Variants in DLG2 observed in about 807,000 individuals in gnomAD.
DLG2 encodes discs large MAGUK scaffold protein 2.
Under a neutral mutation model 132.5 loss-of-function variants are expected in DLG2, and 45 were observed. The ratio of observed to expected loss-of-function variants is 0.34; its 90% CI spans 0.27 to 0.44. The LOEUF (loss-of-function observed/expected upper bound fraction) is 0.44. Ranked by LOEUF, DLG2 falls within the 20% of genes least tolerant of loss-of-function variation. DLG2 has a pLI of 1.00. For synonymous variants in DLG2, 424 were observed against 419.6 expected, an observed-to-expected ratio of 1.01 and a Z score of -0.13; for missense variants, 1,045 against 1,196.9, an observed-to-expected ratio of 0.87 and a Z score of 1.87.
At position 84,597,268 on chromosome 11, in the gene DLG2, A is replaced by G. The variant is rs910384569; in HGVS notation, c.358-62537T>C. On this transcript the variant is annotated intron_variant, in intron 6 of 27. Coordinates refer to ENST00000376104, the MANE Select transcript of DLG2 (RefSeq NM_001142699.3). ...ATGAATGAATCTCTTACGCTTATGG[A>G]GCTTTAGAGTCTAACTGCGAAGACA... is the stretch of plus-strand genomic sequence containing the variant. 3.3e-5 allele frequency among the ~76,000 whole-genome samples: 5 copies of G among 152,172 alleles called. No individual in the cohort carries two copies. In the East Asian group the frequency reaches 9.6e-4, roughly 29 times the overall value.
chr11:85,219,710 A>G (rs2082887705), intron 4 of DLG2, among the ~76,000 whole-genome samples: 1 of 143,860 alleles, frequency 7.0e-6, no homozygotes, highest in East Asian at 2.0e-4. Flanking sequence ...GTTAGGGCCC[A>G]CTCTAATCTA....
At chr11:83,816,398 T>G (rs2048931804) in intron 17 of DLG2, among the ~76,000 whole-genome samples, 1 of 152,200 alleles carries the variant, frequency 6.6e-6, no homozygotes, top group Non-Finnish European at 1.5e-5. Context: ...TTTGTATGCC[T>G]GGTAAATGTA....
intron 14 of DLG2, among the ~76,000 whole-genome samples, chr11:83,947,858 A>T (rs1384595364): frequency 6.6e-6 from 1 of 152,160 alleles, no homozygotes; most frequent in East Asian, 1.9e-4. Context: ...TGAGTTTGTC[A>T]CTTACTTTCT....
intron 18 of DLG2, among the ~76,000 whole-genome samples, chr11:83,707,190 AAC>A (rs1250232749): frequency 6.6e-6 from 1 of 152,212 alleles, no homozygotes; most frequent in African/African-American, 2.4e-5. Flanking sequence ...GCCCTAGAAC[AAC>A]ACTGACTCCC....
intron 21 of DLG2, among the ~76,000 whole-genome samples, chr11:83,509,927 T>C (rs1243464490): frequency 6.6e-6 from 1 of 152,170 alleles, no homozygotes; most frequent in African/African-American, 2.4e-5. Flanking sequence ...GGACGGAATA[T>C]AGCTGTGAAC....
chr11:83,999,488 C>T (rs1436097055), intron 11 of DLG2, among the ~76,000 whole-genome samples: 1 of 152,028 alleles, frequency 6.6e-6, no homozygotes, highest in African/African-American at 2.4e-5. Context: ...GGCCTAATAA[C>T]CTGCCCACCT....
chr11:84,212,733 C>G (rs2096772535), intron 8 of DLG2, among the ~76,000 whole-genome samples: 1 of 152,158 alleles, frequency 6.6e-6, no homozygotes, highest in Admixed American at 6.5e-5. Flanking sequence ...AATCTCGGCT[C>G]ACTGCAACCT....
In DLG2 at chr11:85,124,122, G is replaced by T. The variant is rs114795804; in HGVS notation, c.283-12387C>A. Among the ~76,000 whole-genome samples the T allele has an allele frequency of 4.3e-3, 651 of 152,304 alleles. 6 individuals carry two copies. Among genetic ancestry groups the T allele is most frequent in the African/African-American group, 0.015 (634 of 41,566 alleles). On this transcript the variant is annotated intron_variant, in intron 5 of 27. Transcript: ENST00000376104. Reference sequence around the variant, plus strand: ...GAAACACCATCAGCTGCTATTTATTGGCTATGTGTATACATAGTTGCTACA... The same window carrying T: ...GAAACACCATCAGCTGCTATTTATTTGCTATGTGTATACATAGTTGCTACA...
intron 17 of DLG2, among the ~76,000 whole-genome samples, chr11:83,800,029 AG>A (rs944148237): frequency 3.5e-4 from 53 of 152,290 alleles, no homozygotes; most frequent in African/African-American, 1.3e-3. Flanking sequence ...GCATCTAGTA[AG>A]GGCATATAAT....
intron 3 of DLG2, among the ~76,000 whole-genome samples, chr11:85,424,831 G>C (rs186767175): frequency 6.6e-6 from 1 of 152,144 alleles, no homozygotes; most frequent in African/African-American, 2.4e-5. Context: ...CACAAATCAA[G>C]AACAATTCCC....
rs117652152 is a variant in DLG2, at chr11:83,475,089, C to T, written c.2294-2312G>A. Among the ~76,000 whole-genome samples the T allele has an allele frequency of 3.0e-4, 45 of 152,228 alleles. 1 individual carries two copies. In the East Asian group the frequency reaches 6.2e-3, roughly 21 times the overall value. On this transcript the variant is annotated intron_variant, in intron 22 of 27. Transcript: ENST00000376104. ...CAGCAATGGCAGCATCCCTTATGTC[C>T]GGGCCACCCCAATTCTCAAGACCTT...
At chr11:85,393,447 T>C (rs2086983304) in intron 3 of DLG2, among the ~76,000 whole-genome samples, 1 of 152,162 alleles carries the variant, frequency 6.6e-6, no homozygotes, top group African/African-American at 2.4e-5. Flanking sequence ...AACCATTTGA[T>C]TCAGCAATCC....
intron 10 of DLG2, among the ~76,000 whole-genome samples, chr11:84,073,312 C>G (rs2096782599): frequency 6.6e-6 from 1 of 151,404 alleles, no homozygotes; most frequent in Non-Finnish European, 1.5e-5. Context: ...CCCTAACAAA[C>G]AAGCTATCAT....
intron 6 of DLG2, chr11:84,720,471 G>T (rs2061683133): frequency 1.0e-6 from 1 of 985,176 alleles, no homozygotes; most frequent in Non-Finnish European, 1.2e-6. Flanking sequence ...TGGAGCGACA[G>T]CCTAGACCGA....
chr11:85,104,639 G>T (rs1392326167), intron 6 of DLG2, among the ~76,000 whole-genome samples: 2 of 151,744 alleles, frequency 1.3e-5, no homozygotes, highest in Non-Finnish European at 2.9e-5. Context: ...TGATTGGAGT[G>T]ATAGTTGTAC....
At chr11:83,547,745 A>C (rs182674317) in intron 19 of DLG2, among the ~76,000 whole-genome samples, 1 of 152,178 alleles carries the variant, frequency 6.6e-6, no homozygotes, top group African/African-American at 2.4e-5. Flanking sequence ...GAACTATAAG[A>C]TAATAAATTT....
At chr11:83,711,418 G>A (rs1337950863) in intron 18 of DLG2, among the ~76,000 whole-genome samples, 2 of 152,160 alleles carry the variant, frequency 1.3e-5, no homozygotes, top group Non-Finnish European at 2.9e-5. Flanking sequence ...ATGGGATGAC[G>A]TCCATCTGTG....
chr11:84,916,343 C>T (rs1415936664), intron 6 of DLG2, among the ~76,000 whole-genome samples: 12 of 34,260 alleles, frequency 3.5e-4, no homozygotes, highest in Admixed American at 2.6e-3. Context: ...AGCGAGACTC[C>T]GTCTCAAAAA....
intron 3 of DLG2, among the ~76,000 whole-genome samples, chr11:85,303,465 T>G (rs908407341): frequency 6.6e-6 from 1 of 152,222 alleles, no homozygotes; most frequent in Non-Finnish European, 1.5e-5. Context: ...TGTAATTCAA[T>G]AAATATTTAT....
Sources: gnomAD v4.1 joint callset for allele counts (sites outside exome capture counted in the v4.1 genomes callset) on GRCh38, gnomAD v4.1.1 for gene constraint, MANE v1.5 for transcripts, NCBI Gene and HGNC (gene_info 2026-07-23, HGNC 2026-07-21) for gene names.